PPM1J: variants seen among roughly 807,000 people sequenced by gnomAD.
The protein encoded by PPM1J is protein phosphatase, Mg2+/Mn2+ dependent 1J, also known as protein phosphatase 1J.
PPM1J carries 43 observed loss-of-function variants against 53.3 expected under a neutral mutation model. The observed-to-expected ratio is 0.81, with a 90% CI of 0.63 to 1.04. The LOEUF is 1.04. Among genes scored for constraint, PPM1J ranks in the 50% least tolerant of loss-of-function variants. PPM1J has a pLI of 0.00. For synonymous variants in PPM1J, 267 were observed against 286.4 expected (o/e 0.93, Z 0.68); for missense variants, 635 against 685.9 (o/e 0.93, Z 0.83).
Position 112,712,890 on chromosome 1 carries a change from G to C in PPM1J, c.583C>G (p.Pro195Ala), listed in dbSNP as rs756960729. Residue 195 changes from proline (P) to alanine (A), a missense_variant, in exon 3 of 10, where the codon CCC (proline) becomes GCC (alanine). Coordinates refer to ENST00000309276, the MANE Select transcript of PPM1J (RefSeq NM_005167.7). ...VEILQDPSPPPLCLPTTPGTP... is the reference protein window; with the variant it reads ...VEILQDPSPPALCLPTTPGTP... The stretch of plus-strand genomic sequence containing the variant: ...CCCGGAGTGGTTGGGAGGCAGAGGG[G>C]TGGTGGCGAAGGGTCCTGAAGTATC... 1 of 1,614,038 alleles carries C rather than the reference G, an allele frequency of 6.2e-7. No homozygotes were observed. Among genetic ancestry groups the C allele is most frequent in the East Asian group, 2.2e-5 (1 of 44,878 alleles).
chr1:112,710,239 G>C lies in PPM1J; in HGVS notation c.1442C>G (p.Pro481Arg). Residue 481 changes from proline (P) to arginine (R), a missense_variant, in exon 10 of 10, where the codon CCC becomes CGC. By Grantham distance (103) the Pro-to-Arg change is moderately radical. Coordinates refer to ENST00000309276, the MANE Select transcript of PPM1J (RefSeq NM_005167.7). ...GTPRDRGWRL[P>R]NNKLGSGDDI... is the part of the protein sequence containing the mutation. The stretch of plus-strand genomic sequence containing the variant: ...ATCCCCGGAACCCAGCTTGTTGTTG[G>C]GGAGACGCCAGCCACGGTCTCGGGG... The C allele has an allele frequency of 1.3e-6, 2 of 1,591,684 alleles. No individual in the cohort carries two copies. The highest frequency in any genetic ancestry group is 8.5e-7 in the Non-Finnish European group (1 of 1,174,060).
Position 112,710,733 on chromosome 1 carries a change from A to C in PPM1J, c.1218+11T>G. On this transcript the variant is annotated intron_variant, in intron 8 of 9. Coordinates refer to ENST00000309276, the MANE Select transcript of PPM1J (RefSeq NM_005167.7). ...TCCCAGAGAAGGCAAGGTGTGGTTT[A>C]AGGGGCTCACCTCAGGGAAGCAGGA... 2 of 1,613,376 alleles carry C rather than the reference A, an allele frequency of 1.2e-6. No individual in the cohort carries two copies. The highest frequency in any genetic ancestry group is 2.2e-5 in the South Asian group (2 of 91,050).
At position 112,713,500 on chromosome 1, in the gene PPM1J, G is replaced by A. The variant is rs1323648831; in HGVS notation, c.438C>T (p.Gly146=). 1.2e-6 allele frequency: 2 copies of A among 1,609,436 alleles called. No homozygotes were observed. Among genetic ancestry groups the A allele is most frequent in the African/African-American group, 1.3e-5 (1 of 74,950 alleles). ...TGGGAAAGGGGATGGGTCTTACCTGGCCTCGGCTAGGCTCCCTAGGTACTC... is the reference window on the plus strand; with the variant it reads ...TGGGAAAGGGGATGGGTCTTACCTGACCTCGGCTAGGCTCCCTAGGTACTC... ...VTGVPREPSR[G]QGLCFYYWGL... Residue 146 remains glycine (G), a synonymous_variant, in exon 2 of 10, where the codon GGC becomes GGT. Transcript: ENST00000309276.
At chr1:112,712,721 C>G (rs1428673347) in intron 3 of PPM1J, 23 bp downstream of exon 3, 6 of 1,588,146 alleles carry the variant, frequency 3.8e-6, no homozygotes, top group Non-Finnish European at 5.1e-6. Context: ...CTAGCAGGCT[C>G]TTGGCCCAGG....
chr1:112,714,332 C>A (rs1557784427), intron 1 of PPM1J: 3 of 985,590 alleles, frequency 3.0e-6, no homozygotes, highest in East Asian at 2.3e-4. Context: ...TACACACAGC[C>A]CGGGGGCCAG....
At chr1:112,714,427 C>G (rs934309836) in intron 1 of PPM1J, 36 of 985,914 alleles carry the variant, frequency 3.7e-5, no homozygotes, top group Non-Finnish European at 4.3e-5. Flanking sequence ...GGACCCTCCT[C>G]TACCCCGGGC....
chr1:112,712,294 A>C, intron 4 of PPM1J, 51 bp downstream of exon 4: 2 of 1,388,924 alleles, frequency 1.4e-6, no homozygotes, highest in Non-Finnish European at 2.0e-6. Flanking sequence ...TATTCCCCCA[A>C]CTCAGAGAGT....
intron 5 of PPM1J, among the ~76,000 whole-genome samples, 157 bp downstream of exon 5, chr1:112,711,814 C>A (rs1474213278): frequency 2.0e-5 from 3 of 152,188 alleles, no homozygotes; most frequent in African/African-American, 7.2e-5. Flanking sequence ...CAACCTCCCA[C>A]CGGCTCAGCC....
Position 112,712,944 on chromosome 1 carries a change from T to C in PPM1J, c.529A>G (p.Ile177Val), listed in dbSNP as rs771332074. 1 of 1,613,930 alleles carries C rather than the reference T, an allele frequency of 6.2e-7. No individual in the cohort carries two copies. The highest frequency in any genetic ancestry group is 8.5e-7 in the Non-Finnish European group (1 of 1,179,984). Residue 177 changes from isoleucine to valine, a missense_variant, in exon 3 of 10, where the codon ATC becomes GTC. By Grantham distance (29) the Ile-to-Val change is conservative. Coordinates refer to ENST00000309276, the MANE Select transcript of PPM1J (RefSeq NM_005167.7). ...EMASRLLHRH[I>V]REQLKDLVEI... The stretch of plus-strand genomic sequence containing the variant: ...ACCAGGTCCTTTAGCTGCTCTCGGA[T>C]ATGGCGATGCAGGAGCCGTGAGGCC...
rs1332103574 is a variant in PPM1J at position 112,715,278 on chromosome 1, G to C, written c.24C>G (p.Ala8=). Reference sequence around the variant, plus strand: ...CCCCGGAGCTCACCAGGTGCGCCACGGCCGAGCGCACCCGGTTTAGCATGC... The same window carrying C: ...CCCCGGAGCTCACCAGGTGCGCCACCGCCGAGCGCACCCGGTTTAGCATGC... MLNRVRS[A]VAHLVSSGGA... is the part of the protein sequence containing the mutation. The change falls in exon 1 of 10, where the codon GCC becomes GCG. Residue 8 remains alanine (A), a synonymous_variant. Transcript: ENST00000309276. The surrounding 1 kb of genome is among the most constrained non-coding windows in gnomAD (Gnocchi z 4.4). The C allele has an allele frequency of 3.0e-6, 4 of 1,319,058 alleles. No individual in the cohort carries two copies. Among genetic ancestry groups the C allele is most frequent in the South Asian group, 4.1e-5 (2 of 49,028 alleles). The allele number at this position is 1,319,058 out of a possible 1,614,324, so 81.7% of individuals were successfully genotyped here.
At chr1:112,711,481 CAG>C in intron 5 of PPM1J, 97 bp from the exon 6 acceptor site, 1 of 676,976 alleles carries the variant, frequency 1.5e-6, no homozygotes, top group Non-Finnish European at 2.6e-6. Context: ...GACCCTTAAA[CAG>C]AGTTTACCAT....
At chr1:112,714,127 G>A in intron 1 of PPM1J, 2 of 1,002,094 alleles carry the variant, frequency 2.0e-6, no homozygotes, top group Non-Finnish European at 2.4e-6. Context: ...AGCCCAGATC[G>A]GGAAAGAGGA....
At position 112,712,991 on chromosome 1, in the gene PPM1J, GC is replaced by G; in HGVS notation, c.481del (p.Ala161GlnfsTer21). 6.2e-7 allele frequency: 1 copy of G among 1,611,670 alleles called. No individual in the cohort carries two copies. Among genetic ancestry groups the G allele is most frequent in the Non-Finnish European group, 8.5e-7 (1 of 1,178,824 alleles). On this transcript the variant is annotated frameshift_variant, in exon 3 of 10. Coordinates refer to ENST00000309276, the MANE Select transcript of PPM1J (RefSeq NM_005167.7). LOFTEE classifies it high-confidence loss of function. ...FYYWGLFDGH[A>X]GGGAAEMASR... ...GGCCATTTCAGCAGCTCCGCCCCCT[GC>G]ATGCCCATCAAATAGGCCCCAGTAG...
chr1:112,715,180 TC>T lies in PPM1J; in HGVS notation c.121del (p.Glu41LysfsTer35). The T allele has an allele frequency of 6.7e-7, 1 of 1,489,822 alleles. No individual in the cohort carries two copies. The highest frequency in any genetic ancestry group is 8.8e-7 in the Non-Finnish European group (1 of 1,134,018). 92.3% of individuals were successfully genotyped at this position (1,489,822 alleles called of 1,614,324 possible). ...AASAPPAAAPEAPRSPPAKAG... is the reference protein window; with the variant it reads ...AASAPPAAAPXAPRSPPAKAG... ...CTTCGCGGGAGGGCTCCTGGGCGCT[TC>T]TGGAGCGGCGGCGGGCGGCGCCGAG... is the stretch of plus-strand genomic sequence containing the variant. On this transcript the variant is annotated frameshift_variant, in exon 1 of 10. Coordinates refer to ENST00000309276, the MANE Select transcript of PPM1J (RefSeq NM_005167.7). LOFTEE classifies it high-confidence loss of function. The surrounding 1 kb of genome is among the most constrained non-coding windows in gnomAD (Gnocchi z 4.4).
In PPM1J at chr1:112,715,012, G is replaced by C. The variant is rs1390968442; in HGVS notation, c.290C>G (p.Thr97Arg). The C allele has an allele frequency of 4.7e-6, 7 of 1,474,608 alleles. No homozygotes were observed. In the East Asian group the frequency reaches 2.0e-4, roughly 41 times the overall value. 91.3% of individuals were successfully genotyped at this position (1,474,608 alleles called of 1,614,324 possible). The change falls in exon 1 of 10, where the codon ACG (threonine) becomes AGG (arginine). Residue 97 changes from threonine to arginine, a missense_variant. Physicochemically the swap from Thr to Arg is moderately conservative, Grantham distance 71. Transcript: ENST00000309276. This position sits in a 1 kb window ranked among gnomAD's most constrained non-coding sequence, Gnocchi z 4.4. ...AGRAVQSPPD[T>R]GRRLPWSTGY... ...TGTGCTCCAGGGCAGGCGGCGGCCC[G>C]TGTCCGGGGGGCTTTGCACAGCCCG...
intron 6 of PPM1J, 51 bp downstream of exon 6, chr1:112,711,215 G>A: frequency 5.3e-6 from 8 of 1,496,922 alleles, no homozygotes; most frequent in Non-Finnish European, 7.4e-6. Context: ...GCGGGCGAGG[G>A]ACTGGTTGTG....
chr1:112,710,263 G>A lies in PPM1J; in HGVS notation c.1418C>T (p.Pro473Leu). The change falls in exon 10 of 10, where the codon CCC becomes CTC. Residue 473 changes from proline (P) to leucine (L), a missense_variant. Pro to Leu is a moderately conservative substitution (Grantham distance 98). Coordinates refer to ENST00000309276, the MANE Select transcript of PPM1J (RefSeq NM_005167.7). ...GGGGAGACGCCAGCCACGGTCTCGG[G>A]GGGTACCCCGGGCCCCCAGGACCAG... ...QALVLGARGT[P>L]RDRGWRLPNN... is the part of the protein sequence containing the mutation. 1 of 1,601,892 alleles carries A rather than the reference G, an allele frequency of 6.2e-7. No individual in the cohort carries two copies.
chr1:112,713,008 G>C lies in PPM1J; in HGVS notation c.465C>G (p.Gly155=). The C allele has an allele frequency of 6.2e-7, 1 of 1,605,966 alleles. No individual in the cohort carries two copies. The highest frequency in any genetic ancestry group is 8.5e-7 in the Non-Finnish European group (1 of 1,175,130). The part of the protein sequence containing the change: ...RGQGLCFYYW[G]LFDGHAGGGA... ...CGCCCCCTGCATGCCCATCAAATAG[G>C]CCCCAGTAGTAGAAGCAGAGTCCCT... Residue 155 remains glycine, a synonymous_variant, in exon 3 of 10, where the codon GGC becomes GGG. Transcript: ENST00000309276.
At chr1:112,713,758 G>A (rs1269602778) in intron 1 of PPM1J, 147 bp from the exon 2 acceptor site, 2 of 727,690 alleles carry the variant, frequency 2.7e-6, no homozygotes, top group East Asian at 2.7e-5. Flanking sequence ...GGGAGGAGGA[G>A]AAGGGAGGGC....
Sources: gnomAD v4.1 joint callset for allele counts (sites outside exome capture counted in the v4.1 genomes callset) on GRCh38, gnomAD v4.1.1 for gene constraint, Gnocchi (gnomAD v3.1) non-coding constraint, MANE v1.5 for transcripts, NCBI Gene and HGNC (gene_info 2026-07-23, HGNC 2026-07-21) for gene names.